VWA8: variants seen among roughly 807,000 people sequenced by gnomAD.
The protein encoded by VWA8 is von Willebrand factor A domain-containing protein 8.
A neutral mutation model predicts 241.5 loss-of-function variants in VWA8; 221 were observed. The observed-to-expected ratio is 0.91, with a 90% confidence interval of 0.82 to 1.02. The LOEUF (loss-of-function observed/expected upper bound fraction) is 1.02, where lower values mean the gene tolerates loss of function less well. Ranked by LOEUF, VWA8 falls within the 50% of genes least tolerant of loss-of-function variation. VWA8 has a pLI of 0.00. For missense variants in VWA8, 2,322 were observed against 2,328.7 expected, an observed-to-expected ratio of 1.00 and a Z score of 0.06; for synonymous variants, 852 against 827.1, an observed-to-expected ratio of 1.03 and a Z score of -0.52.
intron 12 of VWA8, among the ~76,000 whole-genome samples, chr13:41,837,386 A>C (rs1392682416): frequency 6.6e-6 from 1 of 152,228 alleles, no homozygotes; most frequent in Non-Finnish European, 1.5e-5. Flanking sequence ...AGTTATTATC[A>C]GAAGGTATTT....
intron 35 of VWA8, among the ~76,000 whole-genome samples, chr13:41,679,448 CTG>C (rs1293932975): frequency 6.6e-6 from 1 of 152,174 alleles, no homozygotes; most frequent in Non-Finnish European, 1.5e-5. Context: ...TGCCCCCAAA[CTG>C]TGCTGATACC....
Position 41,868,613 on chromosome 13 carries a change from G to A in VWA8, c.1081-136C>T, listed in dbSNP as rs769864764. The A allele has an allele frequency of 8.4e-5, 93 of 1,105,716 alleles. No homozygotes were observed. In the East Asian group the frequency reaches 9.0e-4, roughly 11 times the overall value. 68.5% of individuals were successfully genotyped at this position (1,105,716 alleles called of 1,614,324 possible). A position where few individuals can be genotyped will look rare whatever the true frequency, so the allele number is the denominator to read the frequency against. On this transcript the variant is annotated intron_variant, in intron 9 of 44. Coordinates refer to ENST00000379310, the MANE Select transcript of VWA8 (RefSeq NM_015058.2). ...TAAAAGTAGAGGTTAGGCCAAGGGC[G>A]GTGGCTCAGGCCTGTTAATCCCAGA...
intron 2 of VWA8, among the ~76,000 whole-genome samples, chr13:41,915,935 C>A (rs1018062493): frequency 1.6e-4 from 24 of 152,248 alleles, no homozygotes; most frequent in East Asian, 9.6e-4. Context: ...GGTAAACATA[C>A]AAACGATTTT....
At chr13:41,632,782 T>C (rs1350654615) in intron 37 of VWA8, among the ~76,000 whole-genome samples, 2 of 152,222 alleles carry the variant, frequency 1.3e-5, no homozygotes, top group African/African-American at 4.8e-5. Context: ...GAAACATATG[T>C]TGGAACACCC....
intron 40 of VWA8, among the ~76,000 whole-genome samples, chr13:41,592,265 A>G (rs2044460333): frequency 1.5e-5 from 2 of 129,784 alleles, no homozygotes; most frequent in African/African-American, 2.9e-5. Flanking sequence ...GAATTGAACA[A>G]TGAGATCACA....
In VWA8 at chr13:41,770,440, C is replaced by CAA. The variant is rs35797822; in HGVS notation, c.2349+7543_2349+7544dup. ...TGGGCGACAGAGCGAGACTCCGTTT[C>CAA]AAAAAAAAAAAAAAAAAGAAAAGAA... On this transcript the variant is annotated intron_variant, in intron 20 of 44. Transcript: ENST00000379310. Among the ~76,000 whole-genome samples the CAA allele has an allele frequency of 5.6e-3, 576 of 102,408 alleles. 3 individuals are homozygous for CAA. Among genetic ancestry groups the CAA allele is most frequent in the African/African-American group, 0.022 (514 of 23,228 alleles). The allele number at this position is 102,408 out of a possible 152,430, so 67.2% of individuals were successfully genotyped here. A position where few individuals can be genotyped will look rare whatever the true frequency, so the allele number is the denominator to read the frequency against.
At chr13:41,755,193 C>G (rs776411545) in intron 21 of VWA8, among the ~76,000 whole-genome samples, 8 of 152,004 alleles carry the variant, frequency 5.3e-5, no homozygotes, top group Non-Finnish European at 1.2e-4. Context: ...CCAAACTGTT[C>G]TCCATAGTGG....
intron 9 of VWA8, among the ~76,000 whole-genome samples, chr13:41,882,218 G>A (rs1874262070): frequency 6.6e-6 from 1 of 151,744 alleles, no homozygotes; most frequent in Non-Finnish European, 1.5e-5. Flanking sequence ...CGGCCGGGCA[G>A]AGACGCTCCT....
At chr13:41,940,231 A>G (rs1256913699) in intron 2 of VWA8, among the ~76,000 whole-genome samples, 7 of 152,122 alleles carry the variant, frequency 4.6e-5, no homozygotes, top group Non-Finnish European at 2.9e-5. Flanking sequence ...TTCAATGTCT[A>G]TCATTTTATG....
At chr13:41,692,045 C>T in intron 30 of VWA8, 107 bp from the exon 31 acceptor site, 1 of 678,514 alleles carries the variant, frequency 1.5e-6, no homozygotes, top group East Asian at 2.6e-5. Flanking sequence ...ACTAGTAAAA[C>T]ATGTAATTCT....
At chr13:41,575,488 A>G (rs1011190410) in intron 43 of VWA8, among the ~76,000 whole-genome samples, 2 of 152,144 alleles carry the variant, frequency 1.3e-5, no homozygotes, top group South Asian at 4.1e-4. Flanking sequence ...TAGGACATAC[A>G]AGGGGGCCCA....
chr13:41,752,808 CTAT>C (rs1182949943), intron 21 of VWA8, among the ~76,000 whole-genome samples: 1 of 152,114 alleles, frequency 6.6e-6, no homozygotes, highest in African/African-American at 2.4e-5. Context: ...ACCCTGCAAG[CTAT>C]TATTATTTCA....
At chr13:41,664,545 T>C (rs890942118) in intron 37 of VWA8, among the ~76,000 whole-genome samples, 4 of 152,034 alleles carry the variant, frequency 2.6e-5, no homozygotes, top group Non-Finnish European at 5.9e-5. Flanking sequence ...TATCTTCTTG[T>C]TGTATGGTTT....
chr13:41,666,214 T>A (rs765728709), intron 37 of VWA8, among the ~76,000 whole-genome samples: 8 of 152,152 alleles, frequency 5.3e-5, no homozygotes, highest in Non-Finnish European at 8.8e-5. Flanking sequence ...AGGAGTGCTA[T>A]CTTACTTCAG....
chr13:41,663,179 A>G lies in VWA8; in HGVS notation c.4611+7767T>C, dbSNP rs12854878. On this transcript the variant is annotated intron_variant, in intron 37 of 44. Transcript: ENST00000379310. ...TATTCAGAACTGGAATCCTTGAGTCATTTTAAAGTCAAAGAAAGAAAATTA... is the reference window on the plus strand; with the variant it reads ...TATTCAGAACTGGAATCCTTGAGTCGTTTTAAAGTCAAAGAAAGAAAATTA... 9.4e-3 allele frequency among the ~76,000 whole-genome samples: 1,438 copies of G among 152,238 alleles called. 12 individuals are homozygous for G. Among genetic ancestry groups the G allele is most frequent in the African/African-American group, 0.021 (863 of 41,556 alleles).
At chr13:41,955,496 A>G (rs961949212) in intron 1 of VWA8, among the ~76,000 whole-genome samples, 3 of 152,184 alleles carry the variant, frequency 2.0e-5, no homozygotes, top group Admixed American at 6.5e-5. Context: ...TGAGCATTCA[A>G]TGGTCTCACT....
At chr13:41,645,510 A>G (rs1355177594) in intron 37 of VWA8, among the ~76,000 whole-genome samples, 1 of 152,204 alleles carries the variant, frequency 6.6e-6, no homozygotes, top group Non-Finnish European at 1.5e-5. Flanking sequence ...TAACTCACTC[A>G]GTGTTCTGCC....
chr13:41,857,058 T>A (rs1872782982), intron 12 of VWA8, among the ~76,000 whole-genome samples: 2 of 152,150 alleles, frequency 1.3e-5, no homozygotes. Flanking sequence ...GTAGACATTA[T>A]CAACTAGACA....
At chr13:41,693,819 A>C (rs2045195323) in intron 29 of VWA8, among the ~76,000 whole-genome samples, 1 of 152,078 alleles carries the variant, frequency 6.6e-6, no homozygotes, top group Admixed American at 6.6e-5. Flanking sequence ...TAAAATATAA[A>C]GAATTTTGAA....
Sources: gnomAD v4.1 joint callset for allele counts (sites outside exome capture counted in the v4.1 genomes callset) on GRCh38, gnomAD v4.1.1 for gene constraint, MANE v1.5 for transcripts, NCBI Gene and HGNC (gene_info 2026-07-23, HGNC 2026-07-21) for gene names.